UBR2: variants seen among roughly 807,000 people sequenced by gnomAD.
UBR2 encodes the protein E3 ubiquitin-protein ligase UBR2.
UBR2 carries 92 observed loss-of-function variants against 247.9 expected under a neutral mutation model. The observed-to-expected ratio is 0.37, with a 90% CI of 0.31 to 0.44. UBR2 has a LOEUF of 0.44. UBR2 is among the 20% of genes least tolerant of loss of function. The pLI is 1.00. For synonymous variants in UBR2, 672 were observed against 693.5 expected, an observed-to-expected ratio of 0.97 and a Z score of 0.49; for missense variants, 1,613 against 2,112.6, an observed-to-expected ratio of 0.76 and a Z score of 4.64.
At chr6:42,652,325 T>A (rs1172857126) in intron 24 of UBR2, among the ~76,000 whole-genome samples, 166 bp from the exon 25 acceptor site, 1 of 152,222 alleles carries the variant, frequency 6.6e-6, no homozygotes, top group African/African-American at 2.4e-5. Context: ...GTACTGCTGC[T>A]ACTTTCGTGG....
chr6:42,674,079 A>G, intron 37 of UBR2, 47 bp from the exon 38 acceptor site: 1 of 1,566,084 alleles, frequency 6.4e-7, no homozygotes, highest in African/African-American at 1.4e-5. Context: ...GCATTTTAAC[A>G]TGTTGGCATA....
chr6:42,611,829 C>G (rs957040017), intron 7 of UBR2, among the ~76,000 whole-genome samples: 2 of 151,378 alleles, frequency 1.3e-5, no homozygotes, highest in Non-Finnish European at 2.9e-5. Context: ...ATCACTTGGA[C>G]CCAAGAGGTG....
chr6:42,583,636 C>T (rs1792055913), intron 2 of UBR2, among the ~76,000 whole-genome samples: 2 of 151,990 alleles, frequency 1.3e-5, no homozygotes, highest in South Asian at 4.2e-4. Flanking sequence ...ATTCTCCTGC[C>T]TCAGTCTCCT....
At chr6:42,575,619 A>G (rs1369379090) in intron 2 of UBR2, among the ~76,000 whole-genome samples, 3 of 152,048 alleles carry the variant, frequency 2.0e-5, no homozygotes, top group Admixed American at 6.6e-5. Context: ...TGTCCCCTCA[A>G]TTTGGGTTTG....
At chr6:42,657,016 C>T (rs1305031000) in intron 26 of UBR2, among the ~76,000 whole-genome samples, 1 of 152,052 alleles carries the variant, frequency 6.6e-6, no homozygotes, top group African/African-American at 2.4e-5. Flanking sequence ...GGATGAATCA[C>T]CTGAGGTCAA....
At chr6:42,666,563 C>G (rs774995141) in intron 34 of UBR2, among the ~76,000 whole-genome samples, 10 of 152,078 alleles carry the variant, frequency 6.6e-5, no homozygotes, top group Non-Finnish European at 1.0e-4. Flanking sequence ...ATCTAAGAAC[C>G]ATGTGGCATG....
At chr6:42,648,390 G>A (rs1009668922) in intron 22 of UBR2, among the ~76,000 whole-genome samples, 32 of 152,108 alleles carry the variant, frequency 2.1e-4, no homozygotes, top group Non-Finnish European at 3.5e-4. Context: ...GAGGGTTTTC[G>A]TCACATTCAG....
In UBR2 at chr6:42,675,686, G is replaced by A. The variant is rs534866195; in HGVS notation, c.4252-370G>A. Among the ~76,000 whole-genome samples, 74 of 152,258 alleles carry A rather than the reference G, an allele frequency of 4.9e-4. 1 individual carries two copies. Among genetic ancestry groups the A allele is most frequent in the Admixed American group, 3.5e-3 (53 of 15,288 alleles). ...TAAGAAAATGGAAATGTGACCAGGC[G>A]CGGTGGCTCACGCCTGTAATCCCAG... On this transcript the variant is annotated intron_variant, in intron 38 of 46. Coordinates refer to ENST00000372901, the MANE Select transcript of UBR2 (RefSeq NM_001363705.2).
intron 22 of UBR2, among the ~76,000 whole-genome samples, chr6:42,649,157 G>A (rs1278549340): frequency 3.9e-5 from 6 of 152,024 alleles, no homozygotes; most frequent in East Asian, 1.9e-4. Context: ...ACAGGCGCCC[G>A]CCACCACACC....
In UBR2 at chr6:42,689,283, C is replaced by CCAGT. The variant is rs1400818929; in HGVS notation, c.5025-285_5025-282dup. 6.6e-6 allele frequency among the ~76,000 whole-genome samples: 1 copy of CCAGT among 152,136 alleles called. No homozygotes were observed. Among genetic ancestry groups the CCAGT allele is most frequent in the East Asian group, 1.9e-4 (1 of 5,194 alleles). The stretch of plus-strand genomic sequence containing the variant: ...TTGTATCCATAGCTTAGTCATCCCC[C>CCAGT]CAGTACCTTGATAATTTCTTATACG... On this transcript the variant is annotated intron_variant, in intron 45 of 46. Coordinates refer to ENST00000372901, the MANE Select transcript of UBR2 (RefSeq NM_001363705.2). The surrounding 1 kb of genome is among the most constrained non-coding windows in gnomAD (Gnocchi z 4.0).
chr6:42,574,267 T>C (rs1297779703), intron 2 of UBR2, among the ~76,000 whole-genome samples: 1 of 152,206 alleles, frequency 6.6e-6, no homozygotes, highest in East Asian at 1.9e-4. Context: ...CAATAATCAC[T>C]TTCTTGCTTT....
At chr6:42,668,763 G>A (rs1798263804) in intron 34 of UBR2, among the ~76,000 whole-genome samples, 1 of 151,696 alleles carries the variant, frequency 6.6e-6, no homozygotes, top group Non-Finnish European at 1.5e-5. Context: ...AACTTTTTTA[G>A]AGACAGGTTC....
chr6:42,607,079 T>A (rs1266229921), intron 7 of UBR2, among the ~76,000 whole-genome samples: 5 of 152,186 alleles, frequency 3.3e-5, no homozygotes, highest in Non-Finnish European at 7.3e-5. Context: ...CAAACTATTC[T>A]CCACATTTGG....
intron 1 of UBR2, among the ~76,000 whole-genome samples, chr6:42,569,989 C>G (rs1294982562): frequency 6.6e-6 from 1 of 152,088 alleles, no homozygotes; most frequent in Non-Finnish European, 1.5e-5. Flanking sequence ...GAAATAAAGA[C>G]AAAAGGCCAA....
At chr6:42,619,307 A>T (rs887544238) in intron 11 of UBR2, among the ~76,000 whole-genome samples, 5 of 150,010 alleles carry the variant, frequency 3.3e-5, no homozygotes, top group Non-Finnish European at 5.9e-5. Flanking sequence ...AAGCACTAAC[A>T]TCTTTGCAAT....
intron 11 of UBR2, among the ~76,000 whole-genome samples, chr6:42,627,969 A>T (rs1034246269): frequency 6.6e-5 from 10 of 152,114 alleles, no homozygotes; most frequent in Admixed American, 2.6e-4. Context: ...CGTTGTCATA[A>T]TTTTCTCACT....
intron 4 of UBR2, among the ~76,000 whole-genome samples, chr6:42,603,268 A>G (rs538466020): frequency 1.3e-5 from 2 of 152,350 alleles, no homozygotes; most frequent in East Asian, 3.9e-4. Flanking sequence ...ATACAAAGCT[A>G]TAAAATTGGT....
At chr6:42,661,275 G>A (rs533338024) in intron 30 of UBR2, among the ~76,000 whole-genome samples, 3 of 151,500 alleles carry the variant, frequency 2.0e-5, no homozygotes, top group South Asian at 2.1e-4. Flanking sequence ...GCGACAAAGC[G>A]AGACTGTCTT....
chr6:42,688,972 G>A (rs888469430), intron 45 of UBR2, among the ~76,000 whole-genome samples: 1 of 152,190 alleles, frequency 6.6e-6, no homozygotes, highest in African/African-American at 2.4e-5. Flanking sequence ...AGCTAAATTT[G>A]AGATTTAATT....
Sources: allele counts gnomAD v4.1 joint callset (sites outside exome capture counted in the v4.1 genomes callset), GRCh38; gene constraint gnomAD v4.1.1; non-coding constraint Gnocchi (gnomAD v3.1); transcripts MANE v1.5; gene names NCBI Gene and HGNC (gene_info 2026-07-23, HGNC 2026-07-21).